The following CSGALNACT1 variants were observed in gnomAD, a reference collection of about 807,000 sequenced individuals.
CSGALNACT1 encodes the protein chondroitin sulfate N-acetylgalactosaminyltransferase 1.
A neutral mutation model predicts 51.0 loss-of-function variants in CSGALNACT1; 52 were observed. The ratio of observed to expected loss-of-function variants is 1.02; its 90% CI spans 0.82 to 1.29. CSGALNACT1 has a LOEUF of 1.29. CSGALNACT1 is among the 50% of genes most tolerant of loss of function. CSGALNACT1 has a pLI of 0.00. For synonymous variants in CSGALNACT1, 341 were observed against 254.4 expected, an observed-to-expected ratio of 1.34 and a Z score of -3.24; for missense variants, 935 against 679.2, an observed-to-expected ratio of 1.38 and a Z score of -4.19.
intron 3 of CSGALNACT1, among the ~76,000 whole-genome samples, chr8:19,512,396 C>T (rs1369825880): frequency 6.6e-6 from 1 of 152,206 alleles, no homozygotes; most frequent in African/African-American, 2.4e-5. Flanking sequence ...TGCTCCCAGA[C>T]TCCTGACCCT....
intron 9 of CSGALNACT1, among the ~76,000 whole-genome samples, chr8:19,408,404 C>G (rs982932390): frequency 1.5e-4 from 23 of 151,734 alleles, no homozygotes; most frequent in Middle Eastern, 7.0e-3. Flanking sequence ...AGTGATCCCC[C>G]CTCCTCTAAC....
chr8:19,613,681 G>A (rs911053317), intron 1 of CSGALNACT1, among the ~76,000 whole-genome samples: 5 of 152,168 alleles, frequency 3.3e-5, no homozygotes, highest in South Asian at 2.1e-4. Context: ...GGGTTAACAC[G>A]TTTAAGACCA....
At chr8:19,428,825 A>G (rs866348167) in intron 6 of CSGALNACT1, among the ~76,000 whole-genome samples, 62 of 143,460 alleles carry the variant, frequency 4.3e-4, no homozygotes, top group South Asian at 9.4e-4. Context: ...AAGACATGAT[A>G]TGTGTGTGTG....
At chr8:19,436,342 G>C (rs1009965017) in intron 6 of CSGALNACT1, among the ~76,000 whole-genome samples, 1 of 152,134 alleles carries the variant, frequency 6.6e-6, no homozygotes, top group Admixed American at 6.5e-5. Context: ...TGCTAACACT[G>C]TGAGTCTAGA....
chr8:19,490,544 T>C (rs551763923), intron 4 of CSGALNACT1, among the ~76,000 whole-genome samples: 1 of 152,324 alleles, frequency 6.6e-6, no homozygotes, highest in East Asian at 1.9e-4. Context: ...CACCAAACTC[T>C]TGCTTAGAGG....
chr8:19,516,392 G>C (rs1245266150), intron 3 of CSGALNACT1, among the ~76,000 whole-genome samples: 10 of 151,490 alleles, frequency 6.6e-5, no homozygotes, highest in Admixed American at 6.6e-4. Flanking sequence ...ATCTCAAACT[G>C]CTTGCTGAGA....
chr8:19,506,921 G>A (rs892756352), intron 3 of CSGALNACT1, among the ~76,000 whole-genome samples: 1 of 152,158 alleles, frequency 6.6e-6, no homozygotes, highest in Non-Finnish European at 1.5e-5. Flanking sequence ...TATTCCTTTA[G>A]AGCAGCAAGA....
chr8:19,431,014 T>C (rs11204040), intron 6 of CSGALNACT1, among the ~76,000 whole-genome samples: 1 of 151,942 alleles, frequency 6.6e-6, no homozygotes, highest in Non-Finnish European at 1.5e-5. Context: ...CAATTAACCT[T>C]TGTATATTGA....
chr8:19,580,481 A>T (rs1246147393), intron 3 of CSGALNACT1, among the ~76,000 whole-genome samples: 1 of 152,178 alleles, frequency 6.6e-6, no homozygotes, highest in Non-Finnish European at 1.5e-5. Flanking sequence ...ATGAAAACAG[A>T]CTAACTTGAA....
chr8:19,662,088 C>G (rs1405907955), intron 1 of CSGALNACT1, among the ~76,000 whole-genome samples: 1 of 115,388 alleles, frequency 8.7e-6, no homozygotes, highest in Non-Finnish European at 1.9e-5. Context: ...CCCCCCCCCC[C>G]CGCATCTTCA....
rs191032019 is a variant in CSGALNACT1 at position 19,575,404 on chromosome 8, G to A, written c.-297+15756C>T. Among the ~76,000 whole-genome samples, 614 of 152,262 alleles carry A rather than the reference G, an allele frequency of 4.0e-3. 2 individuals carry two copies. The highest frequency in any genetic ancestry group is 0.014 in the African/African-American group (571 of 41,546). On this transcript the variant is annotated intron_variant, in intron 3 of 9. Coordinates refer to ENST00000454498, the Ensembl canonical transcript of CSGALNACT1. Reference sequence around the variant, plus strand: ...GTATTCTTGCCTAAAAATAACTGAAGCTGAATCTAATCAAGTTTCTAAATC... The same window carrying A: ...GTATTCTTGCCTAAAAATAACTGAAACTGAATCTAATCAAGTTTCTAAATC...
At chr8:19,405,504 A>G (rs1050407722) in exon 10 of CSGALNACT1, 9 of 601,840 alleles carry the variant, frequency 1.5e-5, no homozygotes, top group African/African-American at 7.3e-5. Flanking sequence ...TGTAAACACC[A>G]TCAAAACCTC....
chr8:19,752,436 G>A (rs1351941233), intron 1 of CSGALNACT1, among the ~76,000 whole-genome samples: 1 of 152,108 alleles, frequency 6.6e-6, no homozygotes, highest in Non-Finnish European at 1.5e-5. Context: ...TACGTATGTT[G>A]ACCTATTGAC....
At chr8:19,623,964 A>T (rs76722848) in intron 1 of CSGALNACT1, among the ~76,000 whole-genome samples, 3,408 of 152,320 alleles carry the variant, frequency 0.022, 135 homozygotes, top group African/African-American at 0.077. Context: ...ACTGGAGGCA[A>T]ATGGCGAAAT....
intron 5 of CSGALNACT1, among the ~76,000 whole-genome samples, chr8:19,446,886 C>G (rs753147123): frequency 6.6e-6 from 1 of 151,984 alleles, no homozygotes; most frequent in Non-Finnish European, 1.5e-5. Flanking sequence ...AAAAATAAAC[C>G]CATAAACCCA....
At chr8:19,428,989 G>A (rs1056136687) in intron 6 of CSGALNACT1, among the ~76,000 whole-genome samples, 12 of 151,864 alleles carry the variant, frequency 7.9e-5, no homozygotes, top group Admixed American at 2.0e-4. Flanking sequence ...GCTGTAAACC[G>A]TCACCTCTTT....
intron 3 of CSGALNACT1, among the ~76,000 whole-genome samples, chr8:19,562,062 C>T (rs2040862455): frequency 6.6e-6 from 1 of 152,182 alleles, no homozygotes; most frequent in South Asian, 2.1e-4. Context: ...GAGGCATCAC[C>T]TGACAAGTAT....
At chr8:19,631,572 A>G (rs745465666) in intron 1 of CSGALNACT1, among the ~76,000 whole-genome samples, 5 of 152,222 alleles carry the variant, frequency 3.3e-5, no homozygotes, top group Non-Finnish European at 4.4e-5. Context: ...CTTTAAAACT[A>G]CTAATTCCTA....
exon 10 of CSGALNACT1, chr8:19,404,728 G>A (rs1331637131): frequency 1.3e-5 from 6 of 454,378 alleles, no homozygotes; most frequent in Non-Finnish European, 2.6e-5. Flanking sequence ...ATTTAAACAG[G>A]TAAGAAAGCG....
Sources: allele counts gnomAD v4.1 joint callset (sites outside exome capture counted in the v4.1 genomes callset), GRCh38; gene constraint gnomAD v4.1.1; transcripts MANE v1.5; gene names NCBI Gene and HGNC (gene_info 2026-07-23, HGNC 2026-07-21).